RPS6KC1: variants seen among roughly 807,000 people sequenced by gnomAD.
The protein encoded by RPS6KC1 is inactive ribosomal protein S6 kinase delta-1.
Under a neutral mutation model 103.8 loss-of-function variants are expected in RPS6KC1, and 54 were observed. The ratio of observed to expected loss-of-function variants is 0.52; its 90% confidence interval spans 0.42 to 0.65. RPS6KC1 has a LOEUF of 0.65. Among genes scored for constraint, RPS6KC1 ranks in the 30% least tolerant of loss-of-function variants. The probability of loss-of-function intolerance (pLI) is 0.00; values close to 1 mark genes in which losing one functional copy is unlikely to be tolerated. For synonymous variants in RPS6KC1, 439 were observed against 438.7 expected (o/e 1.00, Z -0.01); for missense variants, 1,151 against 1,253.8 (o/e 0.92, Z 1.24).
the RPS6KC1 span, among the ~76,000 whole-genome samples, chr1:213,365,000 G>A: frequency 6.6e-6 from 1 of 152,012 alleles, no homozygotes; most frequent in Non-Finnish European, 1.5e-5. Context: ...GGTTGAATGG[G>A]CACATAGGAT....
At chr1:213,459,410 T>G in the RPS6KC1 span, among the ~76,000 whole-genome samples, 1 of 152,320 alleles carries the variant, frequency 6.6e-6, no homozygotes, top group East Asian at 1.9e-4. Flanking sequence ...TCTCTGATGG[T>G]AGTTTATATT....
the RPS6KC1 span, among the ~76,000 whole-genome samples, chr1:213,701,254 T>A: frequency 3.3e-5 from 5 of 151,846 alleles, no homozygotes; most frequent in African/African-American, 9.7e-5. Flanking sequence ...GGGTTTTTTT[T>A]ATCATGAAGA....
chr1:213,534,446 C>T, the RPS6KC1 span, among the ~76,000 whole-genome samples: 1 of 152,214 alleles, frequency 6.6e-6, no homozygotes, highest in Admixed American at 6.5e-5. Context: ...GAAATAGCCA[C>T]AGAGAGGTTA....
the RPS6KC1 span, among the ~76,000 whole-genome samples, chr1:213,809,397 T>G: frequency 6.6e-6 from 1 of 152,090 alleles, no homozygotes; most frequent in African/African-American, 2.4e-5. Context: ...ATTTAAAAGT[T>G]TGAGGTTTTG....
chr1:213,066,236 G>C (rs543380218), intron 1 of RPS6KC1, among the ~76,000 whole-genome samples: 28 of 152,268 alleles, frequency 1.8e-4, no homozygotes, highest in Non-Finnish European at 3.7e-4. Flanking sequence ...AGAATACCAG[G>C]GGGCAGAAGG....
At chr1:213,482,141 A>G in the RPS6KC1 span, among the ~76,000 whole-genome samples, 1 of 152,338 alleles carries the variant, frequency 6.6e-6, no homozygotes, top group East Asian at 1.9e-4. Context: ...ACCATGAGAC[A>G]ATTAAAACTC....
intron 8 of RPS6KC1, among the ~76,000 whole-genome samples, chr1:213,198,805 A>G (rs1484329851): frequency 1.3e-5 from 2 of 152,162 alleles, no homozygotes; most frequent in Non-Finnish European, 2.9e-5. Context: ...CTTCTAGAAG[A>G]CAGAAGTAGA....
chr1:213,467,525 G>T, the RPS6KC1 span, among the ~76,000 whole-genome samples: 1 of 152,344 alleles, frequency 6.6e-6, no homozygotes, highest in Admixed American at 6.5e-5. Flanking sequence ...TAAGGGCAGT[G>T]ACCAATCTAG....
At chr1:213,449,980 C>G in the RPS6KC1 span, among the ~76,000 whole-genome samples, 1 of 152,286 alleles carries the variant, frequency 6.6e-6, no homozygotes, top group Non-Finnish European at 1.5e-5. Context: ...TGGAGACCTG[C>G]TTTCCCCTCC....
intron 4 of RPS6KC1, among the ~76,000 whole-genome samples, chr1:213,111,127 G>A (rs2082987540): frequency 6.6e-6 from 1 of 151,854 alleles, no homozygotes; most frequent in Admixed American, 6.6e-5. Context: ...GTGGTTCTGT[G>A]GTTTCTCGGT....
At chr1:213,061,474 A>G (rs559361430) in intron 1 of RPS6KC1, among the ~76,000 whole-genome samples, 3 of 152,286 alleles carry the variant, frequency 2.0e-5, no homozygotes, top group East Asian at 1.9e-4. Flanking sequence ...TCTGCAGGGA[A>G]GAGCGGGAGA....
chr1:213,142,793 T>A (rs1003083904), intron 6 of RPS6KC1, among the ~76,000 whole-genome samples: 6 of 152,058 alleles, frequency 3.9e-5, no homozygotes, highest in Admixed American at 6.6e-5. Context: ...GCAATATTTT[T>A]AAATTAAGGT....
chr1:213,644,331 A>C, the RPS6KC1 span, among the ~76,000 whole-genome samples: 1 of 152,098 alleles, frequency 6.6e-6, no homozygotes, highest in Admixed American at 6.6e-5. Context: ...CCCACCAGAG[A>C]GGTACATTTG....
the RPS6KC1 span, among the ~76,000 whole-genome samples, chr1:213,323,388 G>T: frequency 1.3e-5 from 2 of 152,190 alleles, no homozygotes; most frequent in Non-Finnish European, 2.9e-5. Flanking sequence ...GATGAAGGTG[G>T]CAGGGGCAAA....
the RPS6KC1 span, among the ~76,000 whole-genome samples, chr1:213,782,308 C>T: frequency 1.3e-5 from 2 of 152,110 alleles, no homozygotes; most frequent in South Asian, 2.1e-4. Context: ...TGAGCTCAAA[C>T]TCATCCCAAG....
chr1:213,231,381 A>T (rs2094101835), intron 9 of RPS6KC1, among the ~76,000 whole-genome samples: 1 of 152,228 alleles, frequency 6.6e-6, no homozygotes, highest in South Asian at 2.1e-4. Flanking sequence ...GGAGAGAGAG[A>T]ACCCTCAATT....
the RPS6KC1 span, among the ~76,000 whole-genome samples, chr1:213,824,744 C>T: frequency 6.6e-6 from 1 of 152,234 alleles, no homozygotes; most frequent in Non-Finnish European, 1.5e-5. Context: ...CTTTCTCTTT[C>T]TTGCCTTCTG....
At chr1:213,741,358 G>C in the RPS6KC1 span, among the ~76,000 whole-genome samples, 68 of 152,134 alleles carry the variant, frequency 4.5e-4, 1 homozygote, top group East Asian at 0.013. Context: ...ATACATCTGC[G>C]TTTGTAGCTT....
the RPS6KC1 span, among the ~76,000 whole-genome samples, chr1:213,780,306 G>A: frequency 1.3e-5 from 2 of 152,192 alleles, no homozygotes; most frequent in East Asian, 1.9e-4. Context: ...TTATGCTGGG[G>A]CAAAAAGCAG....
Sources: gnomAD v4.1 joint callset for allele counts (sites outside exome capture counted in the v4.1 genomes callset) on GRCh38, gnomAD v4.1.1 for gene constraint, MANE v1.5 for transcripts, NCBI Gene and HGNC (gene_info 2026-07-23, HGNC 2026-07-21) for gene names.